CHD8: variants seen among roughly 807,000 people sequenced by gnomAD.
The protein encoded by CHD8 is ATP-dependent chromatin remodeler CHD8.
Under a neutral mutation model 279.2 loss-of-function variants are expected in CHD8, and 31 were observed. That is an observed-to-expected ratio of 0.11 (90% CI 0.08 to 0.15). The LOEUF (loss-of-function observed/expected upper bound fraction) is 0.15. CHD8 is among the 10% of genes least tolerant of loss of function. The pLI is 1.00. For synonymous variants in CHD8, 1,081 were observed against 1,139.6 expected (o/e 0.95, Z 1.04); for missense variants, 2,146 against 3,230.5 (o/e 0.66, Z 8.14).
chr14:21,455,449 G>T (rs1346351710), intron 1 of CHD8, among the ~76,000 whole-genome samples: 1 of 152,134 alleles, frequency 6.6e-6, no homozygotes. Flanking sequence ...GAGGATGCAA[G>T]GCTTGAGCTC....
At chr14:21,442,293 C>G (rs1026144899) in intron 1 of CHD8, among the ~76,000 whole-genome samples, 12 of 152,028 alleles carry the variant, frequency 7.9e-5, no homozygotes, top group Non-Finnish European at 1.6e-4. Flanking sequence ...ACGGCGAAAC[C>G]CTGTCTCTAC....
Position 21,385,826 on chromosome 14 carries a change from C to T in CHD8, c.7533G>A (p.Leu2511=), listed in dbSNP as rs1012219606. 13 of 1,502,310 alleles carry T rather than the reference C, an allele frequency of 8.7e-6. No individual in the cohort carries two copies. The Admixed American group carries it at 1.5e-4, about 18-fold the overall frequency. The allele number at this position is 1,502,310 out of a possible 1,614,324, so 93.1% of individuals were successfully genotyped here. The change falls in exon 38 of 38, where the codon TTG becomes TTA. Residue 2511 remains leucine (L), a synonymous_variant. Transcript: ENST00000646647. ...GTGAAGAGGGGTAGCCAGGGGCTCT[C>T]AAGCCTGGATGGTGATGGTGGTGAT... The part of the protein sequence containing the change: ...PHHHHHHHPG[L]RAPGYPSSPV...
At chr14:21,441,658 G>A (rs548088336) in intron 1 of CHD8, among the ~76,000 whole-genome samples, 123 of 152,102 alleles carry the variant, frequency 8.1e-4, no homozygotes, top group Admixed American at 1.9e-3. Context: ...GGAGGCCAAG[G>A]CGGGCATATC....
At chr14:21,453,381 T>G (rs1295207709) in intron 1 of CHD8, among the ~76,000 whole-genome samples, 3 of 151,600 alleles carry the variant, frequency 2.0e-5, no homozygotes, top group East Asian at 1.9e-4. Flanking sequence ...AAAAGGAAAG[T>G]GAGCAAAATC....
intron 1 of CHD8, among the ~76,000 whole-genome samples, chr14:21,446,977 C>T (rs1276935096): frequency 6.6e-6 from 1 of 152,190 alleles, no homozygotes; most frequent in African/African-American, 2.4e-5. Flanking sequence ...CTTGGCTTAT[C>T]AGGTGGTAAT....
chr14:21,398,006 C>G, intron 26 of CHD8, 54 bp from the exon 27 acceptor site: 1 of 1,515,280 alleles, frequency 6.6e-7, no homozygotes, highest in Non-Finnish European at 9.0e-7. Flanking sequence ...TGCCTTTATG[C>G]TTACTTTATA....
chr14:21,451,593 A>AG (rs1890258245), intron 1 of CHD8, among the ~76,000 whole-genome samples: 1 of 149,498 alleles, frequency 6.7e-6, no homozygotes, highest in Admixed American at 6.6e-5. Context: ...AAAAAAAAAA[A>AG]AAAAAAAAGT....
intron 13 of CHD8, among the ~76,000 whole-genome samples, chr14:21,407,844 G>A (rs1376867236): frequency 6.6e-6 from 1 of 152,036 alleles, no homozygotes; most frequent in Non-Finnish European, 1.5e-5. Context: ...CCCGGCCTCA[G>A]GTAATAAGCC....
intron 2 of CHD8, 67 bp from the exon 3 acceptor site, chr14:21,429,402 CCA>C (rs1889467437): frequency 6.7e-7 from 1 of 1,494,738 alleles, no homozygotes. Context: ...AATATTTACA[CCA>C]GTTTTCTTCA....
rs1372483405 is a variant in CHD8, at chr14:21,385,712, GTCA to G, written c.7644_7646del (p.Asp2549del). ...CTGAGCTATCATAGCCCTGAGATAA[GTCA>G]TCATCATCTTCTTCATCCTCATCGT... On this transcript the variant is annotated inframe_deletion, in exon 38 of 38. Coordinates refer to ENST00000646647, the MANE Select transcript of CHD8 (RefSeq NM_001170629.2). 10 of 1,551,864 alleles carry G rather than the reference GTCA, an allele frequency of 6.4e-6. No individual in the cohort carries two copies. Among genetic ancestry groups the G allele is most frequent in the South Asian group, 1.2e-5 (1 of 84,062 alleles).
chr14:21,399,754 G>A (rs748742608), intron 25 of CHD8, 49 bp from the exon 26 acceptor site: 7 of 1,303,700 alleles, frequency 5.4e-6, no homozygotes, highest in Non-Finnish European at 6.7e-6. Flanking sequence ...GGAAATTAAA[G>A]TGAGAATCCT....
intron 4 of CHD8, chr14:21,426,700 T>C (rs979602100): frequency 6.5e-6 from 1 of 152,954 alleles, no homozygotes; most frequent in East Asian, 1.9e-4. Flanking sequence ...CAAAGCATTA[T>C]TATAATTACA....
intron 5 of CHD8, among the ~76,000 whole-genome samples, chr14:21,425,122 T>C (rs61973182): frequency 0.029 from 4,434 of 152,134 alleles, 84 homozygotes; most frequent in African/African-American, 0.046. Flanking sequence ...CTTCAAAACG[T>C]AGCAAGAAAC....
chr14:21,422,610 G>A (rs143318872), intron 5 of CHD8, among the ~76,000 whole-genome samples: 1 of 152,164 alleles, frequency 6.6e-6, no homozygotes, highest in Non-Finnish European at 1.5e-5. Context: ...AGAATACCCG[G>A]GACTGGGTAA....
chr14:21,444,880 A>G (rs572667176), intron 1 of CHD8, among the ~76,000 whole-genome samples: 2 of 152,200 alleles, frequency 1.3e-5, no homozygotes, highest in African/African-American at 4.8e-5. Flanking sequence ...TATGTCTCTC[A>G]TATCTCTGGG....
intron 1 of CHD8, chr14:21,437,205 G>A (rs779713979): frequency 1.4e-4 from 160 of 1,183,030 alleles, no homozygotes; most frequent in Non-Finnish European, 1.6e-4. Context: ...TGCAGTGGCT[G>A]TGGGGGGCCG....
At chr14:21,395,423 A>T in intron 28 of CHD8, 71 bp from the exon 29 acceptor site, 1 of 1,070,500 alleles carries the variant, frequency 9.3e-7, no homozygotes, top group Non-Finnish European at 1.4e-6. Context: ...CTCTGAAATC[A>T]CTTTCTTGTG....
chr14:21,408,554 G>C lies in CHD8; in HGVS notation c.2488C>G (p.Gln830Glu), dbSNP rs1555315706. 6.2e-7 allele frequency: 1 copy of C among 1,610,116 alleles called. No individual in the cohort carries two copies. Among genetic ancestry groups the C allele is most frequent in the Non-Finnish European group, 8.5e-7 (1 of 1,177,722 alleles). The change falls in exon 13 of 38, where the codon CAG becomes GAG. Residue 830 changes from glutamine (Q) to glutamate (E), a missense_variant and splice_region_variant. By Grantham distance (29) the Gln-to-Glu change is conservative. Around this residue, in one of 26 missense-constraint regions of CHD8, gnomAD observed 211 missense variants for 464.7 expected, o/e 0.45. Transcript: ENST00000646647. This position sits in a 1 kb window ranked among gnomAD's most constrained non-coding sequence, Gnocchi z 4.3. ...NWLLFNWYNR[Q>E]NCILADEMGL... ...ATCTCATCAGCCAGGATGCAGTTCT[G>C]CCTGCAGATTCACCATGGGAAAAAA... is the stretch of plus-strand genomic sequence containing the variant.
chr14:21,423,049 C>G (rs936563628), intron 5 of CHD8, among the ~76,000 whole-genome samples: 1 of 151,886 alleles, frequency 6.6e-6, no homozygotes, highest in African/African-American at 2.4e-5. Context: ...TGGCGAAACC[C>G]TGTCTACTAA....
Sources: gnomAD v4.1 joint callset for allele counts (sites outside exome capture counted in the v4.1 genomes callset) on GRCh38, gnomAD v4.1.1 for gene constraint, gnomAD v4.1.1 regional missense constraint, Gnocchi (gnomAD v3.1) non-coding constraint, MANE v1.5 for transcripts, NCBI Gene and HGNC (gene_info 2026-07-23, HGNC 2026-07-21) for gene names.